KLHL32: variants seen among roughly 807,000 people sequenced by gnomAD.
The protein encoded by KLHL32 is kelch-like protein 32.
KLHL32 carries 35 observed loss-of-function variants against 64.8 expected under a neutral mutation model. That is an observed-to-expected ratio of 0.54 (90% CI 0.41 to 0.72). The LOEUF is 0.72. KLHL32 is among the 30% of genes least tolerant of loss of function. The pLI is 0.00. For synonymous variants in KLHL32, 259 were observed against 281.0 expected (o/e 0.92, Z 0.78); for missense variants, 589 against 768.5 (o/e 0.77, Z 2.76).
intron 1 of KLHL32, among the ~76,000 whole-genome samples, chr6:96,932,070 G>A (rs1769953921): frequency 6.6e-6 from 1 of 151,974 alleles, no homozygotes; most frequent in Non-Finnish European, 1.5e-5. Flanking sequence ...TTTCTGAAAG[G>A]AGACTTTCTC....
chr6:96,956,797 G>A (rs184181708), intron 1 of KLHL32, among the ~76,000 whole-genome samples: 157 of 152,268 alleles, frequency 1.0e-3, no homozygotes, highest in Non-Finnish European at 5.9e-4. Context: ...ACATACATAC[G>A]CCTAGCCCAT....
chr6:96,952,806 T>C (rs1772787396), intron 1 of KLHL32, among the ~76,000 whole-genome samples: 1 of 152,242 alleles, frequency 6.6e-6, no homozygotes, highest in African/African-American at 2.4e-5. Flanking sequence ...GAACCTAAGG[T>C]TGGTCTTTTG....
intron 4 of KLHL32, among the ~76,000 whole-genome samples, chr6:97,042,893 T>C (rs888223613): frequency 3.3e-5 from 5 of 152,222 alleles, no homozygotes; most frequent in African/African-American, 1.2e-4. Flanking sequence ...GTTGGGGTCA[T>C]GTTGATTGAT....
chr6:96,951,687 G>T (rs932784689), intron 1 of KLHL32, among the ~76,000 whole-genome samples: 1 of 152,020 alleles, frequency 6.6e-6, no homozygotes, highest in Non-Finnish European at 1.5e-5. Context: ...CTCATAAATC[G>T]CATTAGTTAT....
intron 4 of KLHL32, among the ~76,000 whole-genome samples, chr6:97,042,686 A>G (rs1357032131): frequency 1.3e-5 from 2 of 152,170 alleles, no homozygotes; most frequent in Non-Finnish European, 2.9e-5. Flanking sequence ...TATACAATGC[A>G]TTATTATTTA....
intron 3 of KLHL32, among the ~76,000 whole-genome samples, chr6:96,999,870 C>CA (rs1778824870): frequency 6.6e-6 from 1 of 152,122 alleles, no homozygotes; most frequent in South Asian, 2.1e-4. Context: ...CTACTACATG[C>CA]AAAAAAGTTT....
At chr6:97,002,840 A>G (rs1467910358) in intron 3 of KLHL32, among the ~76,000 whole-genome samples, 1 of 152,212 alleles carries the variant, frequency 6.6e-6, no homozygotes, top group African/African-American at 2.4e-5. Context: ...AAAGAATAGT[A>G]CATATGTAGT....
At position 97,139,327 on chromosome 6, in the gene KLHL32, T is replaced by C. The variant is rs1226979831; in HGVS notation, c.*45T>C. 1 of 1,532,104 alleles carries C rather than the reference T, an allele frequency of 6.5e-7. No individual in the cohort carries two copies. The highest frequency in any genetic ancestry group is 1.8e-5 in the Admixed American group (1 of 55,844). 94.9% of individuals were successfully genotyped at this position (1,532,104 alleles called of 1,614,324 possible). On this transcript the variant is annotated 3_prime_UTR_variant, in exon 11 of 11. Coordinates refer to ENST00000369261, the MANE Select transcript of KLHL32 (RefSeq NM_052904.4). ...CAGGAGGAAAACATAGCTCTGACTG[T>C]TGGATACTGGGCATGAAAAGACTCA...
intron 4 of KLHL32, among the ~76,000 whole-genome samples, chr6:97,049,745 T>G (rs1786548227): frequency 6.6e-6 from 1 of 152,246 alleles, no homozygotes; most frequent in Non-Finnish European, 1.5e-5. Flanking sequence ...GTTACTTTTT[T>G]GCTTTTTTAG....
intron 3 of KLHL32, among the ~76,000 whole-genome samples, chr6:97,019,006 TAGTTA>T (rs1781618717): frequency 6.6e-6 from 1 of 152,178 alleles, no homozygotes; most frequent in South Asian, 2.1e-4. Flanking sequence ...ACAAAAATGA[TAGTTA>T]AGTAGGTTGT....
chr6:97,114,155 G>A lies in KLHL32; in HGVS notation c.1000G>A (p.Val334Met), dbSNP rs777951446. ...ANWSELAPMP[V>M]GRSHHCVAVM... ...CTGGAGTGAGCTGGCTCCCATGCCT[G>A]TGGGAAGGAGCCACCATTGTGTGGC... Residue 334 changes from valine (V) to methionine (M), a missense_variant, in exon 7 of 11, where the codon GTG (valine) becomes ATG (methionine). Around this residue, in one of 3 missense-constraint regions of KLHL32, gnomAD observed 226 missense variants for 353.2 expected, o/e 0.64. Transcript: ENST00000369261. The A allele has an allele frequency of 1.2e-6, 2 of 1,614,202 alleles. No individual in the cohort carries two copies. Among genetic ancestry groups the A allele is most frequent in the Non-Finnish European group, 1.7e-6 (2 of 1,180,042 alleles).
At chr6:97,096,056 C>T (rs561426958) in intron 6 of KLHL32, among the ~76,000 whole-genome samples, 15 of 152,164 alleles carry the variant, frequency 9.9e-5, no homozygotes, top group South Asian at 6.2e-4. Context: ...AAATATTGCA[C>T]GGAAAATTCA....
At chr6:97,042,119 G>A (rs1785214290) in intron 4 of KLHL32, among the ~76,000 whole-genome samples, 1 of 152,166 alleles carries the variant, frequency 6.6e-6, no homozygotes, top group Non-Finnish European at 1.5e-5. Context: ...TAGGACATCA[G>A]AGGATATCCA....
intron 3 of KLHL32, among the ~76,000 whole-genome samples, chr6:97,017,185 GAA>G (rs375400107): frequency 3.3e-5 from 5 of 151,892 alleles, no homozygotes; most frequent in African/African-American, 1.2e-4. Context: ...AAAGAAAAAA[GAA>G]AAAAAATCCT....
intron 3 of KLHL32, among the ~76,000 whole-genome samples, chr6:97,009,060 ATTC>A (rs1780031869): frequency 6.6e-6 from 1 of 151,914 alleles, no homozygotes; most frequent in Non-Finnish European, 1.5e-5. Context: ...TAAGTTTTAT[ATTC>A]TTCTCCAATT....
upstream of KLHL32, among the ~76,000 whole-genome samples, chr6:96,922,343 G>A (rs1768777276): frequency 6.6e-6 from 1 of 152,122 alleles, no homozygotes; most frequent in Admixed American, 6.5e-5. Flanking sequence ...TTATCCTGTT[G>A]TCACTGCTTC....
intron 2 of KLHL32, among the ~76,000 whole-genome samples, chr6:96,975,082 G>A (rs1456970022): frequency 6.6e-6 from 1 of 152,194 alleles, no homozygotes; most frequent in Non-Finnish European, 1.5e-5. Flanking sequence ...ATAGCTGTCT[G>A]TAAAGTGAAA....
chr6:97,080,010 G>C (rs1470168771), intron 5 of KLHL32, among the ~76,000 whole-genome samples: 1 of 152,100 alleles, frequency 6.6e-6, no homozygotes, highest in Non-Finnish European at 1.5e-5. Context: ...TCGTAATTAG[G>C]AAAAAGTATC....
chr6:97,001,292 T>C (rs1206088), intron 3 of KLHL32, among the ~76,000 whole-genome samples: 12,230 of 152,244 alleles, frequency 0.08, 624 homozygotes, highest in Non-Finnish European at 0.12. Flanking sequence ...GAACTCTCTA[T>C]ACTTTCTACT....
Sources: allele counts gnomAD v4.1 joint callset (sites outside exome capture counted in the v4.1 genomes callset), GRCh38; gene constraint gnomAD v4.1.1; regional missense constraint gnomAD v4.1.1; transcripts MANE v1.5; gene names NCBI Gene and HGNC (gene_info 2026-07-23, HGNC 2026-07-21).